The following CDH8 variants were observed in gnomAD, a reference collection of about 807,000 sequenced individuals.
The protein encoded by CDH8 is cadherin-8.
A neutral mutation model predicts 68.1 loss-of-function variants in CDH8; 17 were observed. The ratio of observed to expected loss-of-function variants is 0.25; its 90% confidence interval spans 0.17 to 0.37. CDH8 has a LOEUF of 0.37. CDH8 is among the 10% of genes least tolerant of loss of function. CDH8 has a pLI of 1.00. For synonymous variants in CDH8, 372 were observed against 365.1 expected (o/e 1.02, Z -0.21); for missense variants, 763 against 999.3 (o/e 0.76, Z 3.19).
intron 4 of CDH8, among the ~76,000 whole-genome samples, chr16:61,826,723 A>T (rs1283346950): frequency 6.6e-6 from 1 of 151,600 alleles, no homozygotes; most frequent in Non-Finnish European, 1.5e-5. Flanking sequence ...AAATCTTTTG[A>T]GTAGCAAGTG....
chr16:62,026,054 C>A (rs1250144329), intron 1 of CDH8, among the ~76,000 whole-genome samples: 1 of 152,146 alleles, frequency 6.6e-6, no homozygotes, highest in Non-Finnish European at 1.5e-5. Context: ...TAGAGGCAGA[C>A]TGGTTAATAT....
intron 4 of CDH8, 65 bp from the exon 5 acceptor site, chr16:61,825,244 C>A: frequency 7.8e-7 from 1 of 1,276,742 alleles, no homozygotes; most frequent in South Asian, 1.3e-5. Flanking sequence ...AAGTGTTAAT[C>A]TCACACATGC....
intron 4 of CDH8, among the ~76,000 whole-genome samples, chr16:61,855,261 T>C (rs79273860): frequency 0.045 from 6,864 of 152,232 alleles, 177 homozygotes; most frequent in Middle Eastern, 0.071. Flanking sequence ...AAAATGTAAA[T>C]ATTAAATGTT....
intron 2 of CDH8, among the ~76,000 whole-genome samples, chr16:62,018,916 C>T (rs1329367376): frequency 6.6e-6 from 1 of 152,172 alleles, no homozygotes; most frequent in Non-Finnish European, 1.5e-5. Flanking sequence ...TCTATTACTT[C>T]ATGTAAGGAA....
At position 61,960,366 on chromosome 16, in the gene CDH8, T is replaced by C. The variant is rs868193971; in HGVS notation, c.253-58893A>G. 4.8e-4 allele frequency among the ~76,000 whole-genome samples: 41 copies of C among 85,810 alleles called. 3 individuals are homozygous for C. Among genetic ancestry groups the C allele is most frequent in the South Asian group, 1.1e-3 (3 of 2,632 alleles). 56.3% of individuals were successfully genotyped at this position (85,810 alleles called of 152,430 possible). ...ATATACATGTGTGTGTGTATACACA[T>C]ACATATATACATGTGTGTGTGTATA... On this transcript the variant is annotated intron_variant, in intron 2 of 11. Transcript: ENST00000577390.
chr16:61,801,872 G>A (rs9673174), intron 7 of CDH8, among the ~76,000 whole-genome samples: 5,557 of 151,598 alleles, frequency 0.037, 244 homozygotes, highest in African/African-American at 0.11. Flanking sequence ...ACTGCAAGGC[G>A]GCAGCGAGGC....
intron 2 of CDH8, among the ~76,000 whole-genome samples, chr16:61,966,747 T>C (rs1965259359): frequency 6.6e-6 from 1 of 152,168 alleles, no homozygotes; most frequent in African/African-American, 2.4e-5. Context: ...AATATAGAAA[T>C]AAACAATGAG....
chr16:61,820,430 G>A (rs758440463), intron 6 of CDH8, among the ~76,000 whole-genome samples: 3 of 147,010 alleles, frequency 2.0e-5, no homozygotes, highest in Non-Finnish European at 4.5e-5. Flanking sequence ...GTTCAAACAT[G>A]TGGAGAGTTA....
intron 7 of CDH8, among the ~76,000 whole-genome samples, chr16:61,810,093 A>T (rs1961903882): frequency 6.6e-6 from 1 of 152,218 alleles, no homozygotes; most frequent in African/African-American, 2.4e-5. Context: ...TACAATTGTG[A>T]GCCAACTGCA....
At chr16:61,676,876 C>T (rs1473930241) in intron 10 of CDH8, among the ~76,000 whole-genome samples, 2 of 152,016 alleles carry the variant, frequency 1.3e-5, no homozygotes, top group Non-Finnish European at 2.9e-5. Context: ...AAAGGATTGA[C>T]TGCAAAGAGA....
At chr16:62,000,922 T>C in intron 2 of CDH8, among the ~76,000 whole-genome samples, 1 of 152,330 alleles carries the variant, frequency 6.6e-6, no homozygotes, top group East Asian at 1.9e-4. Context: ...GCATTATCAT[T>C]ATAGTTAACA....
At chr16:61,781,567 T>C (rs889715112) in intron 8 of CDH8, among the ~76,000 whole-genome samples, 10 of 152,290 alleles carry the variant, frequency 6.6e-5, no homozygotes, top group African/African-American at 2.4e-4. Context: ...AGCTATGATA[T>C]AGTGCCTGGG....
intron 7 of CDH8, among the ~76,000 whole-genome samples, chr16:61,811,648 T>C (rs1961951847): frequency 1.3e-5 from 2 of 152,200 alleles, no homozygotes; most frequent in Non-Finnish European, 2.9e-5. Flanking sequence ...AACCTAAACG[T>C]TCATTGATGA....
chr16:61,878,234 G>T (rs1212452375), intron 3 of CDH8, among the ~76,000 whole-genome samples: 1 of 152,204 alleles, frequency 6.6e-6, no homozygotes, highest in Admixed American at 6.5e-5. Context: ...AATAGAAGAA[G>T]TACTTTGGAT....
At chr16:61,706,932 C>A (rs1234521716) in intron 10 of CDH8, among the ~76,000 whole-genome samples, 1 of 152,082 alleles carries the variant, frequency 6.6e-6, no homozygotes, top group Non-Finnish European at 1.5e-5. Flanking sequence ...TGAAAAAGAA[C>A]AATTTTTAGG....
intron 8 of CDH8, among the ~76,000 whole-genome samples, chr16:61,788,589 AG>A (rs1382834215): frequency 6.6e-6 from 1 of 152,044 alleles, no homozygotes; most frequent in Non-Finnish European, 1.5e-5. Flanking sequence ...TTGATAAAGT[AG>A]ATGTAAGCTC....
At chr16:61,862,162 C>T (rs887315829) in intron 3 of CDH8, among the ~76,000 whole-genome samples, 1 of 151,852 alleles carries the variant, frequency 6.6e-6, no homozygotes, top group African/African-American at 2.4e-5. Flanking sequence ...CACACACACA[C>T]ACACACAGTA....
chr16:61,706,918 C>G lies in CDH8; in HGVS notation c.1654+6923G>C, dbSNP rs561195357. 4.6e-5 allele frequency among the ~76,000 whole-genome samples: 7 copies of G among 152,198 alleles called. No homozygotes were observed. The South Asian group carries it at 1.5e-3, about 32-fold the overall frequency. ...TAAATAACTTTATGCTCTCTCCAGC[C>G]AAATGAAAAAGAACAATTTTTAGGT... On this transcript the variant is annotated intron_variant, in intron 10 of 11. Coordinates refer to ENST00000577390, the MANE Select transcript of CDH8 (RefSeq NM_001796.5).
At chr16:61,796,122 A>T (rs1961495133) in intron 7 of CDH8, among the ~76,000 whole-genome samples, 1 of 152,010 alleles carries the variant, frequency 6.6e-6, no homozygotes, top group South Asian at 2.1e-4. Flanking sequence ...AGTACTAAAA[A>T]TATGAGGAAA....
Sources: allele counts gnomAD v4.1 joint callset (sites outside exome capture counted in the v4.1 genomes callset), GRCh38; gene constraint gnomAD v4.1.1; transcripts MANE v1.5; gene names NCBI Gene and HGNC (gene_info 2026-07-23, HGNC 2026-07-21).